RERE: variants seen among roughly 807,000 people sequenced by gnomAD.
RERE encodes the protein arginine-glutamic acid dipeptide repeats.
Under a neutral mutation model 146.1 loss-of-function variants are expected in RERE, and 40 were observed. The observed-to-expected ratio is 0.27, with a 90% CI of 0.21 to 0.36. RERE has a LOEUF of 0.36. RERE is among the 10% of genes least tolerant of loss of function. The probability of loss-of-function intolerance (pLI) is 1.00; values close to 1 mark genes in which losing one functional copy is unlikely to be tolerated. For missense variants in RERE, 1,933 were observed against 2,138.7 expected (o/e 0.90, Z 1.90); for synonymous variants, 1,003 against 866.0 (o/e 1.16, Z -2.78).
intron 12 of RERE, among the ~76,000 whole-genome samples, chr1:8,374,358 A>C (rs1487383015): frequency 1.3e-5 from 2 of 148,846 alleles, no homozygotes; most frequent in Non-Finnish European, 3.0e-5. Context: ...TTAAAAAATC[A>C]GTTAAAAAAA....
intron 2 of RERE, among the ~76,000 whole-genome samples, chr1:8,635,744 A>G (rs1000264593): frequency 1.2e-4 from 19 of 152,116 alleles, no homozygotes; most frequent in African/African-American, 4.3e-4. Context: ...CATTAAAAAT[A>G]AAGAATATGA....
chr1:8,516,227 G>GGAAAAAAAAA lies in RERE; in HGVS notation c.831-7553_831-7552insTTTTTTTTTC, dbSNP rs573135224. 2.7e-4 allele frequency among the ~76,000 whole-genome samples: 14 copies of GGAAAAAAAAA among 52,306 alleles called. 2 individuals are homozygous for GGAAAAAAAAA. Among genetic ancestry groups the GGAAAAAAAAA allele is most frequent in the African/African-American group, 1.1e-3 (13 of 11,626 alleles). The allele number at this position is 52,306 out of a possible 152,430, so 34.3% of individuals were successfully genotyped here. ...GGGACGGAGCAAGACTCTCTCAGAG[G>GGAAAAAAAAA]AAAAAAAAAAAAAAAAAAAAAATCT... On this transcript the variant is annotated intron_variant, in intron 7 of 22. Transcript: ENST00000400908.
At chr1:8,756,459 C>T (rs1007083409) in intron 1 of RERE, among the ~76,000 whole-genome samples, 1 of 152,200 alleles carries the variant, frequency 6.6e-6, no homozygotes, top group Non-Finnish European at 1.5e-5. Flanking sequence ...AGCCTCGACT[C>T]TGCATCTGAA....
intron 8 of RERE, among the ~76,000 whole-genome samples, chr1:8,501,676 C>T (rs1435345569): frequency 3.9e-5 from 5 of 127,662 alleles, no homozygotes; most frequent in African/African-American, 1.2e-4. Flanking sequence ...GGGGTCAGCC[C>T]CCCGCCCGGC....
intron 2 of RERE, among the ~76,000 whole-genome samples, chr1:8,633,388 G>A (rs1264378841): frequency 6.8e-6 from 1 of 147,516 alleles, no homozygotes; most frequent in Non-Finnish European, 1.5e-5. Flanking sequence ...GCACCACTGC[G>A]TGCCAGCCTG....
At chr1:8,687,922 A>C (rs1245829364) in intron 1 of RERE, among the ~76,000 whole-genome samples, 1 of 152,214 alleles carries the variant, frequency 6.6e-6, no homozygotes, top group Non-Finnish European at 1.5e-5. Context: ...AGAAGTACAA[A>C]TTTACACAAA....
intron 10 of RERE, among the ~76,000 whole-genome samples, chr1:8,487,286 A>T (rs959266185): frequency 3.6e-4 from 54 of 152,092 alleles, no homozygotes; most frequent in African/African-American, 1.2e-3. Context: ...TAACTTGATT[A>T]AAAAAACAAA....
intron 12 of RERE, among the ~76,000 whole-genome samples, chr1:8,418,440 T>A (rs57721407): frequency 6.6e-6 from 1 of 152,144 alleles, no homozygotes; most frequent in Non-Finnish European, 1.5e-5. Context: ...CTGGGGTAGA[T>A]CACATTGTCT....
chr1:8,750,483 A>C, intron 1 of RERE: 1 of 1,063,404 alleles, frequency 9.4e-7, no homozygotes, highest in Non-Finnish European at 1.4e-6. Context: ...GAAACCCTTA[A>C]GAAAAAGCAA....
intron 12 of RERE, among the ~76,000 whole-genome samples, chr1:8,417,351 C>T (rs1018262745): frequency 3.9e-5 from 6 of 152,260 alleles, no homozygotes; most frequent in South Asian, 2.1e-4. Context: ...CCAGTAGTTA[C>T]GTACGTATTT....
chr1:8,726,243 C>G (rs1313839820), intron 1 of RERE, among the ~76,000 whole-genome samples: 2 of 147,728 alleles, frequency 1.4e-5, no homozygotes, highest in Middle Eastern at 3.2e-3. Context: ...CAAGCTCCAC[C>G]TCCCGAGTTC....
At chr1:8,529,796 G>A (rs1645619086) in intron 7 of RERE, among the ~76,000 whole-genome samples, 1 of 152,154 alleles carries the variant, frequency 6.6e-6, no homozygotes, top group Non-Finnish European at 1.5e-5. Context: ...AAGGAGTCTT[G>A]AAACCGAGCA....
intron 12 of RERE, among the ~76,000 whole-genome samples, chr1:8,372,521 T>A (rs1450487899): frequency 1.3e-5 from 2 of 151,424 alleles, no homozygotes; most frequent in African/African-American, 4.9e-5. Flanking sequence ...TGTGTGTGTG[T>A]GTGTGTGTGT....
intron 3 of RERE, among the ~76,000 whole-genome samples, chr1:8,616,613 A>C (rs1332685892): frequency 6.6e-6 from 1 of 152,174 alleles, no homozygotes; most frequent in African/African-American, 2.4e-5. Context: ...ATAGATAACA[A>C]TTTTAGTAAA....
intron 4 of RERE, among the ~76,000 whole-genome samples, chr1:8,609,335 C>T (rs775995545): frequency 1.8e-4 from 27 of 152,110 alleles, no homozygotes; most frequent in Non-Finnish European, 3.8e-4. Context: ...ATGCCAGTAG[C>T]AGTCAGCCTT....
Position 8,575,068 on chromosome 1 carries a change from A to G in RERE, c.523-17545T>C, listed in dbSNP as rs984046457. Among the ~76,000 whole-genome samples the G allele has an allele frequency of 3.2e-4, 49 of 152,366 alleles. 1 individual carries two copies. The highest frequency in any genetic ancestry group is 1.2e-3 in the African/African-American group (48 of 41,592). On this transcript the variant is annotated intron_variant, in intron 4 of 22. Transcript: ENST00000400908. ...GGAAAGATACAAGAAGCTGGCAACA[A>G]TTGTTGCCTCTGAGGAGGAGAACCC...
chr1:8,759,819 T>A (rs1221688050), intron 1 of RERE, among the ~76,000 whole-genome samples: 1 of 147,668 alleles, frequency 6.8e-6, no homozygotes, highest in Non-Finnish European at 1.5e-5. Context: ...CGTATAACTC[T>A]AAATTCTTAC....
intron 10 of RERE, among the ~76,000 whole-genome samples, chr1:8,478,926 T>C (rs1644795790): frequency 6.6e-6 from 1 of 152,156 alleles, no homozygotes; most frequent in Non-Finnish European, 1.5e-5. Context: ...AATATGGTAG[T>C]TATACATGAC....
intron 12 of RERE, among the ~76,000 whole-genome samples, chr1:8,394,228 T>C (rs1227593759): frequency 1.3e-5 from 2 of 152,212 alleles, no homozygotes; most frequent in Admixed American, 1.3e-4. Context: ...ACAATTCATC[T>C]TGCACACAAC....
Sources: allele counts gnomAD v4.1 joint callset (sites outside exome capture counted in the v4.1 genomes callset), GRCh38; gene constraint gnomAD v4.1.1; transcripts MANE v1.5; gene names NCBI Gene and HGNC (gene_info 2026-07-23, HGNC 2026-07-21).